The following DOP1B variants were observed in gnomAD, a reference collection of about 807,000 sequenced individuals.
DOP1B encodes the protein DOP1 leucine zipper like protein B.
DOP1B carries 174 observed loss-of-function variants against 233.5 expected under a neutral mutation model. The ratio of observed to expected loss-of-function variants is 0.75; its 90% CI spans 0.66 to 0.85. The LOEUF is 0.85. Among genes scored for constraint, DOP1B ranks in the 40% least tolerant of loss-of-function variants. The pLI, the probability that DOP1B is intolerant of heterozygous loss-of-function variation, is 0.00. For synonymous variants in DOP1B, 1,190 were observed against 1,185.6 expected, an observed-to-expected ratio of 1.00 and a Z score of -0.08; for missense variants, 2,652 against 2,846.6, an observed-to-expected ratio of 0.93 and a Z score of 1.56.
At chr21:36,182,558 GCGTGCTGGTTCACATCTATAATCC>G (rs2066112549) in intron 2 of DOP1B, among the ~76,000 whole-genome samples, 1 of 152,168 alleles carries the variant, frequency 6.6e-6, no homozygotes, top group Non-Finnish European at 1.5e-5. Context: ...CACTGGCAGG[GCGTGCTGGTTCACATCTATAATCC>G]CAGCACTTGG....
intron 2 of DOP1B, chr21:36,169,192 A>G (rs2065946282): frequency 4.8e-6 from 5 of 1,039,086 alleles, no homozygotes. Flanking sequence ...TCAGCATAAC[A>G]GAGTTATTGG....
chr21:36,175,116 CTT>C (rs34930032), intron 2 of DOP1B, among the ~76,000 whole-genome samples: 1 of 145,700 alleles, frequency 6.9e-6, no homozygotes. Flanking sequence ...TCTTCTTCTT[CTT>C]TTTTTTTTTT....
chr21:36,267,718 A>G (rs943566818), intron 26 of DOP1B, among the ~76,000 whole-genome samples: 1 of 146,312 alleles, frequency 6.8e-6, no homozygotes, highest in Non-Finnish European at 1.5e-5. Flanking sequence ...ATTTTCCGTA[A>G]GTGTCGGCCG....
In DOP1B at chr21:36,277,076, G is replaced by T. The variant is rs1305878561; in HGVS notation, c.5688G>T (p.Val1896=). 30 of 1,614,116 alleles carry T rather than the reference G, an allele frequency of 1.9e-5. No individual in the cohort carries two copies. Among genetic ancestry groups the T allele is most frequent in the Non-Finnish European group, 2.5e-5 (30 of 1,180,008 alleles). ...VSSSAPSVYS[V]QALSLLAEVL... ...CATCCGCCCCGTCGGTGTACAGCGTGCAAGCCCTCTCTCTCCTGGCAGAGG... is the reference window on the plus strand; with the variant it reads ...CATCCGCCCCGTCGGTGTACAGCGTTCAAGCCCTCTCTCTCCTGGCAGAGG... The change falls in exon 28 of 37, where the codon GTG becomes GTT. Residue 1896 remains valine (V), a synonymous_variant. Transcript: ENST00000691173.
rs1395567033 is a variant in DOP1B at position 36,247,494 on chromosome 21, A to T, written c.4698-23A>T. On this transcript the variant is annotated intron_variant, in intron 19 of 36. Transcript: ENST00000691173. Reference sequence around the variant, plus strand: ...CTCATTCTTTAAAAATTCTCAAACCAGTTTCTCTTTTCTTCACCACAGCAC... The same window carrying T: ...CTCATTCTTTAAAAATTCTCAAACCTGTTTCTCTTTTCTTCACCACAGCAC... 3 of 1,546,058 alleles carry T rather than the reference A, an allele frequency of 1.9e-6. No individual in the cohort carries two copies. The African/African-American group carries it at 4.2e-5, about 22-fold the overall frequency.
intron 2 of DOP1B, among the ~76,000 whole-genome samples, chr21:36,172,796 G>T (rs2065984995): frequency 6.6e-6 from 1 of 151,842 alleles, no homozygotes; most frequent in South Asian, 2.1e-4. Flanking sequence ...ACATTTCTTG[G>T]ACTTATGCAC....
chr21:36,259,110 C>T (rs1054317422), intron 23 of DOP1B, among the ~76,000 whole-genome samples: 10 of 151,606 alleles, frequency 6.6e-5, no homozygotes, highest in African/African-American at 1.7e-4. Context: ...GGACTACAGT[C>T]GCCCGCCACC....
intron 2 of DOP1B, among the ~76,000 whole-genome samples, chr21:36,175,113 CTTCT>C (rs545376515): frequency 1.8e-4 from 22 of 125,598 alleles, no homozygotes; most frequent in Admixed American, 6.8e-4. Context: ...TCTTCTTCTT[CTTCT>C]TTTTTTTTTT....
intron 17 of DOP1B, among the ~76,000 whole-genome samples, chr21:36,239,052 G>C (rs113175342): frequency 1.3e-5 from 2 of 152,248 alleles, no homozygotes; most frequent in African/African-American, 4.8e-5. Context: ...GCAGTGAGCC[G>C]AGACTGCGCC....
chr21:36,283,990 C>A (rs1256666179), intron 32 of DOP1B, among the ~76,000 whole-genome samples: 1 of 146,526 alleles, frequency 6.8e-6, no homozygotes, highest in African/African-American at 2.5e-5. Flanking sequence ...CTCTGTCACC[C>A]AGGCTGGAGT....
At chr21:36,262,916 TAAATAAATA>T (rs945721162) in intron 24 of DOP1B, among the ~76,000 whole-genome samples, 9 of 131,658 alleles carry the variant, frequency 6.8e-5, no homozygotes, top group Non-Finnish European at 8.5e-5. Context: ...AATAAATAAA[TAAATAAATA>T]AAATAAAATA....
chr21:36,248,661 G>A, intron 21 of DOP1B, 93 bp downstream of exon 21: 1 of 1,278,448 alleles, frequency 7.8e-7, no homozygotes. Flanking sequence ...ATGATAAACA[G>A]ATGTGCTCAA....
At chr21:36,273,272 T>C (rs980686887) in intron 27 of DOP1B, among the ~76,000 whole-genome samples, 79 of 150,730 alleles carry the variant, frequency 5.2e-4, no homozygotes, top group Admixed American at 5.2e-3. Flanking sequence ...CCAGGTATGG[T>C]AGTGTGTGCC....
chr21:36,276,854 A>AAAAG lies in DOP1B; in HGVS notation c.5633-164_5633-163insGAAA, dbSNP rs1555899281. ...AGACTCCATCTCAAAAAAAAAAAAA[A>AAAAG]AAAAAGAAAAAGCTGAAAGTTAACA... On this transcript the variant is annotated intron_variant, in intron 27 of 36. Coordinates refer to ENST00000691173, the MANE Select transcript of DOP1B (RefSeq NM_001320714.2). Among the ~76,000 whole-genome samples, 10 of 151,052 alleles carry AAAAG rather than the reference A, an allele frequency of 6.6e-5. 1 individual carries two copies. The highest frequency in any genetic ancestry group is 1.0e-4 in the Non-Finnish European group (7 of 67,790).
rs149095152 is a variant in DOP1B, at chr21:36,270,198, G to A, written c.5632+41G>A. The A allele has an allele frequency of 9.0e-4, 1,441 of 1,598,270 alleles. 9 individuals carry two copies. The African/African-American group carries it at 0.017, about 19-fold the overall frequency. On this transcript the variant is annotated intron_variant, in intron 27 of 36. Transcript: ENST00000691173. ...TTGGCTGATAGTGCCTCTGGTCAGC[G>A]CGTGGTTCTGGCTTTTCCTTAAGAG...
At chr21:36,159,468 A>G (rs776251453) in intron 1 of DOP1B, among the ~76,000 whole-genome samples, 4 of 152,176 alleles carry the variant, frequency 2.6e-5, no homozygotes, top group Non-Finnish European at 4.4e-5. Flanking sequence ...AAAGAAGAAA[A>G]ACAAATGCAT....
intron 12 of DOP1B, among the ~76,000 whole-genome samples, chr21:36,227,310 G>T (rs1466471507): frequency 1.3e-5 from 2 of 151,992 alleles, no homozygotes; most frequent in Non-Finnish European, 2.9e-5. Context: ...CACTTTGGGA[G>T]GCCAAGGTGG....
intron 9 of DOP1B, among the ~76,000 whole-genome samples, chr21:36,217,631 T>C (rs962224823): frequency 6.6e-6 from 1 of 152,242 alleles, no homozygotes; most frequent in Non-Finnish European, 1.5e-5. Flanking sequence ...AGTCCAAGTA[T>C]GAAGCTTTTG....
chr21:36,264,581 C>T (rs143632887), intron 26 of DOP1B, among the ~76,000 whole-genome samples: 4,631 of 151,782 alleles, frequency 0.031, 236 homozygotes, highest in African/African-American at 0.11. Context: ...TCAAGCGATT[C>T]TTCTGCCTCA....
Sources: gnomAD v4.1 joint callset for allele counts (sites outside exome capture counted in the v4.1 genomes callset) on GRCh38, gnomAD v4.1.1 for gene constraint, MANE v1.5 for transcripts, NCBI Gene and HGNC (gene_info 2026-07-23, HGNC 2026-07-21) for gene names.